ARHGEF12: variants seen among roughly 807,000 people sequenced by gnomAD.
ARHGEF12 encodes KMT2A/ARHGEF12 fusion protein.
In ARHGEF12, 66 loss-of-function variants were observed where a neutral mutation model predicts 211.2. The ratio of observed to expected loss-of-function variants is 0.31; its 90% confidence interval spans 0.26 to 0.38. The LOEUF (loss-of-function observed/expected upper bound fraction) is 0.38, where lower values mean the gene tolerates loss of function less well. ARHGEF12 is among the 10% of genes least tolerant of loss of function. The pLI is 1.00. For missense variants in ARHGEF12, 1,429 were observed against 1,869.5 expected (o/e 0.76, Z 4.34); for synonymous variants, 592 against 638.4 (o/e 0.93, Z 1.09).
intron 7 of ARHGEF12, 79 bp from the exon 8 acceptor site, chr11:120,427,990 A>T: frequency 8.3e-7 from 1 of 1,203,674 alleles, no homozygotes; most frequent in Non-Finnish European, 1.1e-6. Context: ...ATCGAAGATT[A>T]AGTAGTAAAA....
At chr11:120,361,200 C>T (rs1488193406) in intron 1 of ARHGEF12, among the ~76,000 whole-genome samples, 1 of 152,202 alleles carries the variant, frequency 6.6e-6, no homozygotes, top group Non-Finnish European at 1.5e-5. Context: ...CAGGGCTGCA[C>T]AGCAGGAGGT....
At chr11:120,384,404 G>A (rs969711649) in intron 1 of ARHGEF12, among the ~76,000 whole-genome samples, 2 of 152,136 alleles carry the variant, frequency 1.3e-5, no homozygotes, top group South Asian at 2.1e-4. Context: ...TTTTTCATTC[G>A]TTACTTATAT....
In ARHGEF12 at chr11:120,458,249, T is replaced by TTTG. The variant is rs549833995; in HGVS notation, c.2380+27_2380+29dup. 6 of 1,612,684 alleles carry TTTG rather than the reference T, an allele frequency of 3.7e-6. No homozygotes were observed. The highest frequency in any genetic ancestry group is 1.1e-5 in the South Asian group (1 of 90,812). On this transcript the variant is annotated intron_variant, in intron 25 of 40. Coordinates refer to ENST00000397843, the MANE Select transcript of ARHGEF12 (RefSeq NM_015313.3). ...AGTGATTAATGGTGAGTGTAATCAATTTGTTGTTGTTGTTTACAAATACTG... is the reference window on the plus strand; with the variant it reads ...AGTGATTAATGGTGAGTGTAATCAATTTGTTGTTGTTGTTGTTTACAAATACTG...
chr11:120,431,868 G>C lies in ARHGEF12; in HGVS notation c.881G>C (p.Cys294Ser). The C allele has an allele frequency of 1.9e-6, 3 of 1,613,154 alleles. No individual in the cohort carries two copies. The highest frequency in any genetic ancestry group is 2.5e-6 in the Non-Finnish European group (3 of 1,179,658). Residue 294 changes from cysteine (C) to serine (S), a missense_variant, in exon 11 of 41, where the codon TGT becomes TCT. Cys to Ser is a moderately radical substitution (Grantham distance 112, BLOSUM62 -1). Transcript: ENST00000397843. ...DPGDVLGRTDCSSGDASRPSS... is the reference protein window; with the variant it reads ...DPGDVLGRTDSSSGDASRPSS... ...GGAGATGTACTGGGCAGGACTGACT[G>C]TAGCAGTGGAGATGCTTCTCGGCCC...
At chr11:120,355,959 G>A (rs1943119574) in intron 1 of ARHGEF12, among the ~76,000 whole-genome samples, 1 of 152,168 alleles carries the variant, frequency 6.6e-6, no homozygotes, top group African/African-American at 2.4e-5. Flanking sequence ...AAGGTAGAAT[G>A]TAAAATGATA....
intron 27 of ARHGEF12, among the ~76,000 whole-genome samples, chr11:120,460,992 C>A (rs4938807): frequency 0.21 from 32,331 of 152,106 alleles, 3,800 homozygotes; most frequent in African/African-American, 0.3. Flanking sequence ...GATTCAGTCA[C>A]ACCTTCAGGC....
At chr11:120,350,943 G>A (rs10790379) in intron 1 of ARHGEF12, among the ~76,000 whole-genome samples, 94,887 of 152,058 alleles carry the variant, frequency 0.62, 31,023 homozygotes, top group African/African-American at 0.82. Flanking sequence ...TCTGGAAACT[G>A]CAGTAGTTTG....
intron 1 of ARHGEF12, among the ~76,000 whole-genome samples, chr11:120,355,331 A>G (rs1176658494): frequency 6.6e-6 from 1 of 152,210 alleles, no homozygotes; most frequent in African/African-American, 2.4e-5. Context: ...TGCATTTACT[A>G]TACTTTTACA....
chr11:120,460,904 T>C, intron 27 of ARHGEF12, 147 bp downstream of exon 27: 3 of 697,490 alleles, frequency 4.3e-6, no homozygotes, highest in Non-Finnish European at 7.3e-6. Flanking sequence ...GTAGATTCCA[T>C]TTCAAGAAAC....
rs1161360467 is a variant in ARHGEF12 at position 120,457,726 on chromosome 11, C to G, written c.2195C>G (p.Thr732Ser). Residue 732 changes from threonine to serine, a missense_variant, in exon 24 of 41, where the codon ACT becomes AGT. Physicochemically the swap from Thr to Ser is moderately conservative, Grantham distance 58. Coordinates refer to ENST00000397843, the MANE Select transcript of ARHGEF12 (RefSeq NM_015313.3). ...TTTACTTTCCATTGTTTTAGGGTGACTGAACATGGGACACCAAAGCCCTTT... is the reference window on the plus strand; with the variant it reads ...TTTACTTTCCATTGTTTTAGGGTGAGTGAACATGGGACACCAAAGCCCTTT... ...QEEECEVERV[T>S]EHGTPKPFRK... is the part of the protein sequence containing the mutation. 3.1e-6 allele frequency: 5 copies of G among 1,606,876 alleles called. No individual in the cohort carries two copies. Among genetic ancestry groups the G allele is most frequent in the Non-Finnish European group, 4.2e-6 (5 of 1,176,638 alleles).
intron 33 of ARHGEF12, 130 bp downstream of exon 33, chr11:120,475,637 A>T (rs1947007039): frequency 1.1e-6 from 1 of 940,606 alleles, no homozygotes; most frequent in Non-Finnish European, 1.5e-6. Flanking sequence ...AAATTACATG[A>T]AATTTACTGC....
chr11:120,415,373 T>C (rs1183138512), intron 4 of ARHGEF12, among the ~76,000 whole-genome samples: 2 of 152,218 alleles, frequency 1.3e-5, no homozygotes, highest in Non-Finnish European at 2.9e-5. Flanking sequence ...AAACTCCAAG[T>C]AGTCTTGGGT....
At chr11:120,447,781 A>C (rs922579508) in intron 18 of ARHGEF12, 93 bp from the exon 19 acceptor site, 2 of 836,940 alleles carry the variant, frequency 2.4e-6, no homozygotes, top group Admixed American at 3.0e-5. Flanking sequence ...ATGCCATTGC[A>C]CTCCAGCCTG....
chr11:120,468,594 G>A (rs778149610), intron 29 of ARHGEF12, among the ~76,000 whole-genome samples: 4 of 151,992 alleles, frequency 2.6e-5, no homozygotes, highest in South Asian at 2.1e-4. Flanking sequence ...GATTACAGGC[G>A]CACGCCACCA....
At chr11:120,484,410 TA>T (rs762679924) in intron 39 of ARHGEF12, 27 bp from the exon 40 acceptor site, 2 of 1,599,806 alleles carry the variant, frequency 1.3e-6, no homozygotes, top group African/African-American at 1.3e-5. Context: ...TACGTTTGAA[TA>T]AAAAACCTAT....
At chr11:120,440,319 G>C in intron 13 of ARHGEF12, 98 bp downstream of exon 13, 1 of 1,024,916 alleles carries the variant, frequency 9.8e-7, no homozygotes, top group South Asian at 1.5e-5. Context: ...GATAACATTT[G>C]TAAGGATTTG....
At chr11:120,438,444 G>C (rs898632492) in intron 12 of ARHGEF12, 2 of 151,982 alleles carry the variant, frequency 1.3e-5, no homozygotes, top group African/African-American at 4.8e-5. Context: ...TGCCCGGCCA[G>C]TTTCACCTGA....
intron 26 of ARHGEF12, among the ~76,000 whole-genome samples, chr11:120,459,748 G>T (rs1377848215): frequency 2.0e-5 from 3 of 152,088 alleles, no homozygotes; most frequent in Admixed American, 1.3e-4. Flanking sequence ...TCGCTCTGTT[G>T]CCCAAGCTGG....
chr11:120,431,798 C>T lies in ARHGEF12; in HGVS notation c.811C>T (p.Pro271Ser). ...QDGAVVTPSR[P>S]LGDTLTVSEA... is the part of the protein sequence containing the mutation. ...TGGAGCTGTAGTTACACCCTCCAGACCTTTAGGGGACACCCTAACAGTCAG... is the reference window on the plus strand; with the variant it reads ...TGGAGCTGTAGTTACACCCTCCAGATCTTTAGGGGACACCCTAACAGTCAG... The change falls in exon 11 of 41, where the codon CCT becomes TCT. Residue 271 changes from proline (P) to serine (S), a missense_variant. Pro to Ser is a moderately conservative substitution (Grantham distance 74). Transcript: ENST00000397843. 1 of 1,613,338 alleles carries T rather than the reference C, an allele frequency of 6.2e-7. No homozygotes were observed. Among genetic ancestry groups the T allele is most frequent in the Non-Finnish European group, 8.5e-7 (1 of 1,179,630 alleles).
Sources: allele counts gnomAD v4.1 joint callset (sites outside exome capture counted in the v4.1 genomes callset), GRCh38; gene constraint gnomAD v4.1.1; transcripts MANE v1.5; gene names NCBI Gene and HGNC (gene_info 2026-07-23, HGNC 2026-07-21).